TCF7L1: variants seen among roughly 807,000 people sequenced by gnomAD.
The protein encoded by TCF7L1 is transcription factor 7-like 1.
In TCF7L1, 18 loss-of-function variants were observed where a neutral mutation model predicts 63.7. The ratio of observed to expected loss-of-function variants is 0.28; its 90% CI spans 0.20 to 0.42. The LOEUF (loss-of-function observed/expected upper bound fraction) is 0.42, where lower values mean the gene tolerates loss of function less well. Among genes scored for constraint, TCF7L1 ranks in the 10% least tolerant of loss-of-function variants. The pLI, the probability that TCF7L1 is intolerant of heterozygous loss-of-function variation, is 1.00. For synonymous variants in TCF7L1, 355 were observed against 340.9 expected (o/e 1.04, Z -0.46); for missense variants, 654 against 779.3 (o/e 0.84, Z 1.91).
At chr2:85,268,788 T>C (rs191977598) in intron 3 of TCF7L1, among the ~76,000 whole-genome samples, 2 of 145,792 alleles carry the variant, frequency 1.4e-5, no homozygotes, top group Admixed American at 1.4e-4. Flanking sequence ...AAAAAAAGAT[T>C]GGATGCCTAT....
intron 3 of TCF7L1, among the ~76,000 whole-genome samples, chr2:85,154,342 C>T (rs889886124): frequency 6.6e-6 from 1 of 152,164 alleles, no homozygotes; most frequent in African/African-American, 2.4e-5. Context: ...GCTATGAGAA[C>T]AATAGTGCCT....
chr2:85,295,101 C>T (rs1159279583), intron 4 of TCF7L1, among the ~76,000 whole-genome samples: 1 of 145,710 alleles, frequency 6.9e-6, no homozygotes, highest in African/African-American at 2.5e-5. Flanking sequence ...TGTGTAGATG[C>T]AGAAAACTCC....
chr2:85,284,167 C>T (rs976394668), intron 4 of TCF7L1, among the ~76,000 whole-genome samples: 6 of 152,168 alleles, frequency 3.9e-5, no homozygotes, highest in Admixed American at 2.6e-4. Flanking sequence ...TGTGCCACCA[C>T]GCCTGGCTAA....
At chr2:85,203,956 T>G (rs1679335927) in intron 3 of TCF7L1, among the ~76,000 whole-genome samples, 1 of 152,058 alleles carries the variant, frequency 6.6e-6, no homozygotes, top group Non-Finnish European at 1.5e-5. Context: ...CGACTCAAAC[T>G]ATACAGGGAG....
chr2:85,241,095 A>G (rs1432630080), intron 3 of TCF7L1, among the ~76,000 whole-genome samples: 2 of 152,198 alleles, frequency 1.3e-5, no homozygotes, highest in East Asian at 1.9e-4. Flanking sequence ...CAGAAAGTAC[A>G]AGTTCTCAGA....
At chr2:85,207,743 G>A (rs560214263) in intron 3 of TCF7L1, among the ~76,000 whole-genome samples, 4 of 151,942 alleles carry the variant, frequency 2.6e-5, no homozygotes, top group Non-Finnish European at 5.9e-5. Flanking sequence ...AGTAGAAACC[G>A]TACTTCAGTG....
chr2:85,243,569 A>G (rs978339569), intron 3 of TCF7L1, among the ~76,000 whole-genome samples: 1 of 152,092 alleles, frequency 6.6e-6, no homozygotes, highest in African/African-American at 2.4e-5. Context: ...TGTGAACAGC[A>G]TAAGAGGTGC....
At chr2:85,263,218 G>T (rs1680894926) in intron 3 of TCF7L1, among the ~76,000 whole-genome samples, 1 of 151,956 alleles carries the variant, frequency 6.6e-6, no homozygotes, top group African/African-American at 2.4e-5. Flanking sequence ...GGAGGGTGTT[G>T]TTGGGAATAG....
chr2:85,264,910 G>A (rs991375844), intron 3 of TCF7L1, among the ~76,000 whole-genome samples: 1 of 152,184 alleles, frequency 6.6e-6, no homozygotes. Context: ...ACTTGTGTGG[G>A]CATTTCCTGT....
chr2:85,296,603 C>A (rs2104382315), intron 4 of TCF7L1, among the ~76,000 whole-genome samples: 1 of 152,328 alleles, frequency 6.6e-6, no homozygotes, highest in East Asian at 1.9e-4. Flanking sequence ...CCCTATTTCT[C>A]ATCAATTTTT....
At chr2:85,178,983 A>G (rs761270248) in intron 3 of TCF7L1, among the ~76,000 whole-genome samples, 1 of 152,136 alleles carries the variant, frequency 6.6e-6, no homozygotes, top group Non-Finnish European at 1.5e-5. Context: ...GAGAGGAGAG[A>G]AAGTAACTAC....
intron 3 of TCF7L1, among the ~76,000 whole-genome samples, chr2:85,237,391 G>C (rs930084811): frequency 1.3e-5 from 2 of 152,026 alleles, no homozygotes; most frequent in African/African-American, 4.8e-5. Context: ...TCCGAGGTCT[G>C]CAGTGCAGCC....
chr2:85,173,597 A>G (rs1217956021), intron 3 of TCF7L1, among the ~76,000 whole-genome samples: 2 of 152,218 alleles, frequency 1.3e-5, no homozygotes, highest in Admixed American at 6.5e-5. Flanking sequence ...TTCAAGAGAC[A>G]GGGATATCGA....
intron 3 of TCF7L1, among the ~76,000 whole-genome samples, chr2:85,165,133 ATTTATAGTAACTGT>A (rs1388626966): frequency 6.6e-6 from 1 of 152,198 alleles, no homozygotes; most frequent in Non-Finnish European, 1.5e-5. Context: ...CTTGGTTTGC[ATTTATAGTAACTGT>A]TTCCTGTTCC....
chr2:85,296,381 T>C (rs1681840276), intron 4 of TCF7L1, among the ~76,000 whole-genome samples: 1 of 152,236 alleles, frequency 6.6e-6, no homozygotes, highest in African/African-American at 2.4e-5. Flanking sequence ...TTGTGCATTT[T>C]TGGCCAGAAT....
chr2:85,243,861 C>A (rs1394200335), intron 3 of TCF7L1, among the ~76,000 whole-genome samples: 1 of 152,182 alleles, frequency 6.6e-6, no homozygotes, highest in East Asian at 1.9e-4. Flanking sequence ...AGCCACGGAC[C>A]ACATTGTGAA....
intron 3 of TCF7L1, among the ~76,000 whole-genome samples, chr2:85,266,157 G>A (rs1395939236): frequency 6.6e-6 from 1 of 152,114 alleles, no homozygotes; most frequent in Non-Finnish European, 1.5e-5. Context: ...TATCATAATT[G>A]CAGCATAAGG....
intron 3 of TCF7L1, among the ~76,000 whole-genome samples, chr2:85,248,551 A>C (rs995075536): frequency 2.0e-5 from 3 of 152,092 alleles, no homozygotes; most frequent in African/African-American, 7.2e-5. Flanking sequence ...ATACACACTT[A>C]CATTTGCAGA....
intron 3 of TCF7L1, among the ~76,000 whole-genome samples, chr2:85,242,234 C>T (rs1680350875): frequency 7.0e-6 from 1 of 143,296 alleles, no homozygotes; most frequent in Non-Finnish European, 1.6e-5. Context: ...CCTATGGTTG[C>T]TGGCTTCCCT....
Sources: allele counts gnomAD v4.1 joint callset (sites outside exome capture counted in the v4.1 genomes callset), GRCh38; gene constraint gnomAD v4.1.1; transcripts MANE v1.5; gene names NCBI Gene and HGNC (gene_info 2026-07-23, HGNC 2026-07-21).